The following ZNF174 variants were observed in gnomAD, a reference collection of about 807,000 sequenced individuals.
The protein encoded by ZNF174 is AW-1.
ZNF174 carries 30 observed loss-of-function variants against 38.7 expected under a neutral mutation model. The ratio of observed to expected loss-of-function variants is 0.78; its 90% CI spans 0.58 to 1.05. ZNF174 has a LOEUF of 1.05. Among genes scored for constraint, ZNF174 ranks in the 50% least tolerant of loss-of-function variants. The pLI is 0.00. For missense variants in ZNF174, 499 were observed against 495.6 expected, an observed-to-expected ratio of 1.01 and a Z score of -0.06; for synonymous variants, 201 against 181.7, an observed-to-expected ratio of 1.11 and a Z score of -0.86.
intron 2 of ZNF174, chr16:3,405,100 C>G (rs1596257304): frequency 6.7e-7 from 1 of 1,487,242 alleles, no homozygotes; most frequent in East Asian, 2.4e-5. Context: ...ATCTATTTCC[C>G]TTTCTCTGGT....
chr16:3,408,228 A>T, intron 2 of ZNF174, 93 bp from the exon 3 acceptor site: 1 of 1,320,758 alleles, frequency 7.6e-7, no homozygotes, highest in Non-Finnish European at 1.0e-6. Flanking sequence ...GCGGAGGGCC[A>T]CCCTTTGAGA....
rs542284354 is a variant in ZNF174 at position 3,408,932 on chromosome 16, A to C, written c.*13A>C. ...CCATGGGGACTAAAAGGAGCACTCCATGCTTTAGATTCACACGGAAGGTGT... is the reference window on the plus strand; with the variant it reads ...CCATGGGGACTAAAAGGAGCACTCCCTGCTTTAGATTCACACGGAAGGTGT... On this transcript the variant is annotated 3_prime_UTR_variant, in exon 3 of 3. Transcript: ENST00000268655. 38 of 1,584,424 alleles carry C rather than the reference A, an allele frequency of 2.4e-5. No individual in the cohort carries two copies. The South Asian group carries it at 4.1e-4, about 17-fold the overall frequency.
intron 1 of ZNF174, among the ~76,000 whole-genome samples, chr16:3,403,150 C>CCT (rs2033986791): frequency 3.2e-5 from 1 of 30,938 alleles, no homozygotes; most frequent in Non-Finnish European, 5.5e-5. Context: ...AGCTTATAGT[C>CCT]TTTTTTTTTT....
At chr16:3,406,648 TAA>T (rs529739534) in intron 2 of ZNF174, among the ~76,000 whole-genome samples, 41 of 152,372 alleles carry the variant, frequency 2.7e-4, no homozygotes, top group African/African-American at 9.1e-4. Context: ...TTATTTTTTA[TAA>T]GAGTCCTTTA....
In ZNF174 at chr16:3,404,587, C is replaced by A. The variant is rs780891847; in HGVS notation, c.564C>A (p.Ser188Arg). 2.5e-6 allele frequency: 4 copies of A among 1,614,166 alleles called. No homozygotes were observed. The highest frequency in any genetic ancestry group is 1.6e-4 in the Middle Eastern group (1 of 6,062). The change falls in exon 2 of 3, where the codon AGC (serine) becomes AGA (arginine). Residue 188 changes from serine to arginine, a missense_variant. Coordinates refer to ENST00000268655, the MANE Select transcript of ZNF174 (RefSeq NM_003450.3). ...PSQAGAYDRLSPHHWEKSPLL... is the reference protein window; with the variant it reads ...PSQAGAYDRLRPHHWEKSPLL... The stretch of plus-strand genomic sequence containing the variant: ...AGGCAGGAGCTTATGACCGGCTGAG[C>A]CCCCATCATTGGGAGAAATCCCCAC...
chr16:3,401,472 C>G lies in ZNF174; in HGVS notation c.-533C>G, dbSNP rs1241915819. 1 of 152,928 alleles carries G rather than the reference C, an allele frequency of 6.5e-6. No individual in the cohort carries two copies. The highest frequency in any genetic ancestry group is 1.9e-4 in the East Asian group (1 of 5,206). 9.5% of individuals were successfully genotyped at this position (152,928 alleles called of 1,614,324 possible). The stretch of plus-strand genomic sequence containing the variant: ...CTGCGGCGCCTCGGCAGCGAGCAGC[C>G]GCTTTGCTCGCGTGCAGGAGGCTGT... On this transcript the variant is annotated 5_prime_UTR_variant, in exon 1 of 3. Transcript: ENST00000268655.
Position 3,409,090 on chromosome 16 carries a change from C to A in ZNF174, c.*171C>A. The A allele has an allele frequency of 1.4e-6, 1 of 697,850 alleles. No individual in the cohort carries two copies. Among genetic ancestry groups the A allele is most frequent in the Non-Finnish European group, 2.4e-6 (1 of 418,150 alleles). 43.2% of individuals were successfully genotyped at this position (697,850 alleles called of 1,614,324 possible). A position where few individuals can be genotyped will look rare whatever the true frequency, so the allele number is the denominator to read the frequency against. ...GGCCCAGAAAAGGCCAACCAGGGCCCAACCGTGCATGATGACAGGGTGAAG... is the reference window on the plus strand; with the variant it reads ...GGCCCAGAAAAGGCCAACCAGGGCCAAACCGTGCATGATGACAGGGTGAAG... On this transcript the variant is annotated 3_prime_UTR_variant, in exon 3 of 3. Transcript: ENST00000268655.
chr16:3,407,652 C>T (rs1315978111), intron 2 of ZNF174, among the ~76,000 whole-genome samples: 1 of 152,208 alleles, frequency 6.6e-6, no homozygotes, highest in Non-Finnish European at 1.5e-5. Context: ...CACACATTTT[C>T]CACATCACAA....
In ZNF174 at chr16:3,401,914, G is replaced by C; in HGVS notation, c.-91G>C. ...CATCCTCAGAGAACCTTCGTTTCTA[G>C]AATCTTTCTAGTATTCAGAGACTTC... On this transcript the variant is annotated 5_prime_UTR_variant, in exon 1 of 3. Transcript: ENST00000268655. 6.7e-7 allele frequency: 1 copy of C among 1,485,478 alleles called. No individual in the cohort carries two copies. The highest frequency in any genetic ancestry group is 9.1e-7 in the Non-Finnish European group (1 of 1,099,636). The allele number at this position is 1,485,478 out of a possible 1,614,324, so 92.0% of individuals were successfully genotyped here.
chr16:3,403,609 C>G (rs1246361035), intron 1 of ZNF174, among the ~76,000 whole-genome samples: 2 of 152,034 alleles, frequency 1.3e-5, no homozygotes, highest in African/African-American at 4.8e-5. Flanking sequence ...CTCAGCCTCT[C>G]AAGTAGCTGG....
chr16:3,405,523 G>A (rs1268686014), intron 2 of ZNF174, among the ~76,000 whole-genome samples: 1 of 152,080 alleles, frequency 6.6e-6, no homozygotes, highest in African/African-American at 2.4e-5. Context: ...TTTCATGAAG[G>A]CACTAATCCC....
chr16:3,404,209 T>C (rs1380423003), intron 1 of ZNF174, among the ~76,000 whole-genome samples: 1 of 152,218 alleles, frequency 6.6e-6, no homozygotes, highest in Non-Finnish European at 1.5e-5. Context: ...GCCCAAGCTT[T>C]AGGGGAAGCC....
In ZNF174 at chr16:3,405,505, TG is replaced by T. The variant is rs143071846; in HGVS notation, c.625+861del. ...GGCAGAAGGGGAAGACAGGCTCCCGTGGGGCTCTTTCATGAAGGCACTAATC... is the reference window on the plus strand; with the variant it reads ...GGCAGAAGGGGAAGACAGGCTCCCGTGGGCTCTTTCATGAAGGCACTAATC... On this transcript the variant is annotated intron_variant, in intron 2 of 2. Transcript: ENST00000268655. Among the ~76,000 whole-genome samples, 623 of 152,282 alleles carry T rather than the reference TG, an allele frequency of 4.1e-3. 7 individuals carry two copies. Among genetic ancestry groups the T allele is most frequent in the African/African-American group, 0.014 (598 of 41,558 alleles).
intron 1 of ZNF174, among the ~76,000 whole-genome samples, chr16:3,403,689 G>A (rs1044081626): frequency 1.3e-5 from 2 of 151,898 alleles, no homozygotes; most frequent in Non-Finnish European, 1.5e-5. Flanking sequence ...TCTCCACATT[G>A]CCCAGGCTGG....
chr16:3,403,809 G>C (rs2034007482), intron 1 of ZNF174, among the ~76,000 whole-genome samples: 1 of 152,184 alleles, frequency 6.6e-6, no homozygotes, highest in African/African-American at 2.4e-5. Context: ...CTTTGGATCA[G>C]GAAGTTACAG....
intron 2 of ZNF174, 46 bp downstream of exon 2, chr16:3,404,694 C>A: frequency 6.2e-7 from 1 of 1,607,302 alleles, no homozygotes; most frequent in African/African-American, 1.3e-5. Context: ...CCTTTATCTC[C>A]ATCAATGTAT....
chr16:3,404,760 A>G (rs1361054015), intron 2 of ZNF174, 112 bp downstream of exon 2: 7 of 1,498,734 alleles, frequency 4.7e-6, no homozygotes, highest in African/African-American at 1.4e-5. Context: ...AATGTTATAT[A>G]TAATAGTAGA....
At position 3,408,364 on chromosome 16, in the gene ZNF174, G is replaced by A. The variant is rs1197930652; in HGVS notation, c.669G>A (p.Gln223=). The change falls in exon 3 of 3, where the codon CAG becomes CAA. Residue 223 remains glutamine (Q), a synonymous_variant. Coordinates refer to ENST00000268655, the MANE Select transcript of ZNF174 (RefSeq NM_003450.3). The part of the protein sequence containing the change: ...MRSDNKENPQ[Q]EGAKGAKPCA... ...GTGACAACAAGGAAAATCCACAACA[G>A]GAAGGGGCTAAAGGAGCAAAGCCAT... 1.2e-6 allele frequency: 2 copies of A among 1,609,108 alleles called. No homozygotes were observed. Among genetic ancestry groups the A allele is most frequent in the African/African-American group, 1.3e-5 (1 of 74,766 alleles).
In ZNF174 at chr16:3,408,898, C is replaced by A. The variant is rs776015673; in HGVS notation, c.1203C>A (p.His401Gln). ...AGAGCTCAAACCTTCACCAGCATCA[C>A]CGACTTCACCATGGGGACTAAAAGG... ...FRQSSNLHQH[H>Q]RLHHGD Residue 401 changes from histidine to glutamine, a missense_variant, in exon 3 of 3, where the codon CAC (histidine) becomes CAA (glutamine). Coordinates refer to ENST00000268655, the MANE Select transcript of ZNF174 (RefSeq NM_003450.3). 1 of 1,610,202 alleles carries A rather than the reference C, an allele frequency of 6.2e-7. No homozygotes were observed. The highest frequency in any genetic ancestry group is 1.7e-5 in the Admixed American group (1 of 59,604).
Sources: allele counts gnomAD v4.1 joint callset (sites outside exome capture counted in the v4.1 genomes callset), GRCh38; gene constraint gnomAD v4.1.1; transcripts MANE v1.5; gene names NCBI Gene and HGNC (gene_info 2026-07-23, HGNC 2026-07-21).